Variants in PRIM2 observed in about 807,000 individuals in gnomAD.
PRIM2 encodes the protein DNA primase large subunit.
A neutral mutation model predicts 67.3 loss-of-function variants in PRIM2; 39 were observed. The observed-to-expected ratio is 0.58, with a 90% CI of 0.45 to 0.76. PRIM2 has a LOEUF of 0.76. Among genes scored for constraint, PRIM2 ranks in the 30% least tolerant of loss-of-function variants. PRIM2 has a pLI of 0.00. For missense variants in PRIM2, 398 were observed against 598.7 expected (o/e 0.66, Z 3.50); for synonymous variants, 143 against 198.7 (o/e 0.72, Z 2.36).
intron 10 of PRIM2, among the ~76,000 whole-genome samples, chr6:57,552,476 AAG>A (rs1775423972): frequency 6.6e-6 from 1 of 152,014 alleles, no homozygotes; most frequent in Non-Finnish European, 1.5e-5. Flanking sequence ...TGATTTAGTC[AAG>A]TTCTTAGAGA....
intron 5 of PRIM2, among the ~76,000 whole-genome samples, chr6:57,366,382 T>C (rs1478108612): frequency 2.0e-5 from 3 of 152,034 alleles, no homozygotes; most frequent in African/African-American, 7.2e-5. Context: ...AAAGGAACTT[T>C]GATGGACACA....
chr6:57,592,302 T>C (rs1296226034), intron 10 of PRIM2, among the ~76,000 whole-genome samples: 1 of 152,218 alleles, frequency 6.6e-6, no homozygotes, highest in Non-Finnish European at 1.5e-5. Flanking sequence ...GCATGTGTAA[T>C]AAATTTAAAA....
chr6:57,578,868 G>A (rs1452359019), intron 10 of PRIM2, among the ~76,000 whole-genome samples: 1 of 151,312 alleles, frequency 6.6e-6, no homozygotes, highest in Non-Finnish European at 1.5e-5. Flanking sequence ...AGTAGAGACG[G>A]GGTTTCACCG....
the PRIM2 span, among the ~76,000 whole-genome samples, chr6:57,271,327 A>G: frequency 2.0e-5 from 3 of 152,108 alleles, no homozygotes; most frequent in African/African-American, 7.2e-5. Flanking sequence ...GTCTATTCAG[A>G]GATTCAACTT....
At chr6:57,280,775 G>T in the PRIM2 span, among the ~76,000 whole-genome samples, 3 of 152,012 alleles carry the variant, frequency 2.0e-5, no homozygotes. Context: ...CCAAAGTGCT[G>T]GGATTACAGG....
chr6:57,260,713 T>A, the PRIM2 span, among the ~76,000 whole-genome samples: 4 of 152,162 alleles, frequency 2.6e-5, no homozygotes, highest in Admixed American at 6.5e-5. Flanking sequence ...TGGATATAAG[T>A]AGCCGGGCAG....
chr6:57,520,059 G>A (rs1433989589), intron 8 of PRIM2, among the ~76,000 whole-genome samples: 2 of 152,062 alleles, frequency 1.3e-5, no homozygotes, highest in Non-Finnish European at 2.9e-5. Context: ...ACATTATGAG[G>A]CATTGTCAAT....
chr6:57,549,282 T>C (rs1171477487), intron 10 of PRIM2, among the ~76,000 whole-genome samples: 4 of 152,230 alleles, frequency 2.6e-5, no homozygotes, highest in African/African-American at 9.6e-5. Context: ...ACCACCACCA[T>C]GAGGTAAATA....
At chr6:57,616,965 C>A (rs2127495918) in intron 12 of PRIM2, among the ~76,000 whole-genome samples, 1 of 152,228 alleles carries the variant, frequency 6.6e-6, no homozygotes, top group East Asian at 1.9e-4. Flanking sequence ...CTGAATGATA[C>A]TCCATTGTAT....
chr6:57,615,530 A>G (rs1419777590), intron 12 of PRIM2, among the ~76,000 whole-genome samples: 1 of 152,176 alleles, frequency 6.6e-6, no homozygotes, highest in Non-Finnish European at 1.5e-5. Flanking sequence ...CTATTGTGGA[A>G]AGATGCATAT....
chr6:57,455,900 G>T (rs1219829484), intron 7 of PRIM2, among the ~76,000 whole-genome samples: 4 of 152,148 alleles, frequency 2.6e-5, no homozygotes, highest in Non-Finnish European at 2.9e-5. Context: ...TTTACAATTT[G>T]GCATGTTTTT....
At chr6:57,551,811 G>T (rs1289908455) in intron 10 of PRIM2, among the ~76,000 whole-genome samples, 1 of 152,192 alleles carries the variant, frequency 6.6e-6, no homozygotes, top group Non-Finnish European at 1.5e-5. Flanking sequence ...ATGCTGTTTA[G>T]TGCCTGGATG....
At position 57,534,860 on chromosome 6, in the gene PRIM2, C is replaced by T. The variant is rs1193618268; in HGVS notation, c.834+2377C>T. On this transcript the variant is annotated intron_variant, in intron 9 of 13. Transcript: ENST00000615550. ...CTAGAATCCAACTTACTTTGTCTTACTTGAAATGCCATCTCCTCAAAAAGG... is the reference window on the plus strand; with the variant it reads ...CTAGAATCCAACTTACTTTGTCTTATTTGAAATGCCATCTCCTCAAAAAGG... Among the ~76,000 whole-genome samples, 562 of 152,304 alleles carry T rather than the reference C, an allele frequency of 3.7e-3. 23 individuals carry two copies. The South Asian group carries it at 0.076, about 21-fold the overall frequency.
the PRIM2 span, among the ~76,000 whole-genome samples, chr6:57,303,565 C>T: frequency 6.6e-6 from 1 of 152,140 alleles, no homozygotes; most frequent in Non-Finnish European, 1.5e-5. Context: ...CAGTAAAGCA[C>T]TGGCTGGATA....
intron 5 of PRIM2, among the ~76,000 whole-genome samples, chr6:57,339,931 G>T (rs1377099482): frequency 6.6e-6 from 1 of 151,354 alleles, no homozygotes; most frequent in African/African-American, 2.4e-5. Flanking sequence ...CCTACAAAAT[G>T]GGAGAAAATT....
intron 5 of PRIM2, among the ~76,000 whole-genome samples, chr6:57,338,876 A>G (rs546834942): frequency 1.3e-5 from 2 of 151,480 alleles, no homozygotes; most frequent in East Asian, 1.9e-4. Flanking sequence ...AGGAGAAGGA[A>G]ATAAAGGGTA....
chr6:57,457,882 G>T (rs376224967), intron 7 of PRIM2, among the ~76,000 whole-genome samples: 2 of 152,176 alleles, frequency 1.3e-5, no homozygotes, highest in Non-Finnish European at 2.9e-5. Flanking sequence ...CGTTGCTCAC[G>T]CTGGGAGCTA....
intron 5 of PRIM2, among the ~76,000 whole-genome samples, chr6:57,338,079 C>A (rs1029008780): frequency 1.3e-5 from 2 of 151,698 alleles, no homozygotes; most frequent in African/African-American, 4.9e-5. Flanking sequence ...ACTACAAACA[C>A]CTCTATGCAA....
At chr6:57,241,815 G>A in the PRIM2 span, among the ~76,000 whole-genome samples, 2 of 150,590 alleles carry the variant, frequency 1.3e-5, no homozygotes, top group South Asian at 4.2e-4. Flanking sequence ...TGGGACTACA[G>A]GCGCCCGCCA....
Sources: allele counts gnomAD v4.1 joint callset (sites outside exome capture counted in the v4.1 genomes callset), GRCh38; gene constraint gnomAD v4.1.1; transcripts MANE v1.5; gene names NCBI Gene and HGNC (gene_info 2026-07-23, HGNC 2026-07-21).